The following FGF12 variants were observed in gnomAD, a reference collection of about 807,000 sequenced individuals.
FGF12 encodes the protein fibroblast growth factor 12.
A neutral mutation model predicts 23.6 loss-of-function variants in FGF12; 14 were observed. The ratio of observed to expected loss-of-function variants is 0.59; its 90% confidence interval spans 0.39 to 0.93. The LOEUF (loss-of-function observed/expected upper bound fraction) is 0.93, where lower values mean the gene tolerates loss of function less well. Ranked by LOEUF, FGF12 falls within the 40% of genes least tolerant of loss-of-function variation. FGF12 has a pLI of 0.00. For missense variants in FGF12, 175 were observed against 217.8 expected (o/e 0.80, Z 1.24); for synonymous variants, 62 against 77.3 (o/e 0.80, Z 1.04).
intron 2 of FGF12, among the ~76,000 whole-genome samples, chr3:192,568,937 C>T (rs895266117): frequency 2.6e-5 from 4 of 152,098 alleles, no homozygotes; most frequent in African/African-American, 9.7e-5. Flanking sequence ...TAAGGGTGTC[C>T]TTCATAAAAG....
At chr3:192,196,778 GAC>G (rs1269508155) in intron 4 of FGF12, among the ~76,000 whole-genome samples, 1 of 152,210 alleles carries the variant, frequency 6.6e-6, no homozygotes, top group African/African-American at 2.4e-5. Flanking sequence ...GTGACAATTT[GAC>G]AGTCTTGAGC....
chr3:192,495,570 C>A (rs920986862), intron 2 of FGF12, among the ~76,000 whole-genome samples: 1 of 152,124 alleles, frequency 6.6e-6, no homozygotes, highest in Non-Finnish European at 1.5e-5. Flanking sequence ...AGAATTAGCA[C>A]ACTCATTTTC....
intron 2 of FGF12, among the ~76,000 whole-genome samples, chr3:192,423,205 CT>C (rs751933744): frequency 1.3e-5 from 2 of 152,098 alleles, no homozygotes; most frequent in Non-Finnish European, 2.9e-5. Context: ...AGAGAGCCCC[CT>C]GTTGCATAAT....
intron 4 of FGF12, among the ~76,000 whole-genome samples, chr3:192,266,226 A>G: frequency 6.6e-6 from 1 of 152,128 alleles, no homozygotes; most frequent in East Asian, 1.9e-4. Context: ...TATGATCCTC[A>G]ATCTACCTTG....
At chr3:192,148,151 A>G (rs1384444157) in intron 5 of FGF12, among the ~76,000 whole-genome samples, 1 of 152,196 alleles carries the variant, frequency 6.6e-6, no homozygotes, top group Non-Finnish European at 1.5e-5. Flanking sequence ...CCCAGCATCT[A>G]TCTGTACATC....
At chr3:192,616,267 T>C (rs920311663) in intron 2 of FGF12, among the ~76,000 whole-genome samples, 1 of 152,112 alleles carries the variant, frequency 6.6e-6, no homozygotes, top group Non-Finnish European at 1.5e-5. Context: ...CTTATTTTTA[T>C]TTGTTTAACT....
chr3:192,196,318 C>T (rs534772410), intron 4 of FGF12, among the ~76,000 whole-genome samples: 1 of 152,058 alleles, frequency 6.6e-6, no homozygotes, highest in Non-Finnish European at 1.5e-5. Flanking sequence ...CAAATATTAC[C>T]TTAAAAATTG....
intron 2 of FGF12, among the ~76,000 whole-genome samples, chr3:192,618,282 G>A (rs1277152977): frequency 1.3e-5 from 2 of 151,532 alleles, no homozygotes; most frequent in Admixed American, 1.3e-4. Flanking sequence ...AGTCCGCTAA[G>A]TTAACCAGAG....
At chr3:192,634,002 G>A (rs1046568758) in intron 2 of FGF12, among the ~76,000 whole-genome samples, 5 of 152,116 alleles carry the variant, frequency 3.3e-5, no homozygotes, top group Admixed American at 2.6e-4. Flanking sequence ...ATCCATTTAG[G>A]TCTAAATTCA....
intron 2 of FGF12, among the ~76,000 whole-genome samples, chr3:192,623,535 A>C (rs556741283): frequency 9.9e-5 from 15 of 152,116 alleles, no homozygotes; most frequent in Non-Finnish European, 1.3e-4. Context: ...CCTGGTGTTT[A>C]CTTTGTTTGT....
intron 4 of FGF12, among the ~76,000 whole-genome samples, chr3:192,207,067 G>A (rs1717689773): frequency 6.6e-6 from 1 of 152,176 alleles, no homozygotes; most frequent in Admixed American, 6.5e-5. Context: ...TTTGGCATCA[G>A]AAAATGGGAT....
At chr3:192,628,478 C>T (rs7430302) in intron 2 of FGF12, among the ~76,000 whole-genome samples, 52 of 113,466 alleles carry the variant, frequency 4.6e-4, no homozygotes, top group Non-Finnish European at 7.9e-4. Flanking sequence ...CACACACACA[C>T]ACACACACAG....
chr3:192,353,976 T>G (rs6787785), intron 3 of FGF12, among the ~76,000 whole-genome samples: 8,041 of 152,276 alleles, frequency 0.053, 757 homozygotes, highest in African/African-American at 0.18. Flanking sequence ...AGCTAACCAT[T>G]TGGATCATAC....
chr3:192,575,236 G>A (rs1183812744), intron 2 of FGF12, among the ~76,000 whole-genome samples: 1 of 152,098 alleles, frequency 6.6e-6, no homozygotes, highest in African/African-American at 2.4e-5. Flanking sequence ...GAAACTCTGG[G>A]GATGCAATTG....
chr3:192,557,022 A>C (rs1346658858), intron 2 of FGF12, among the ~76,000 whole-genome samples: 2 of 152,048 alleles, frequency 1.3e-5, no homozygotes, highest in East Asian at 3.9e-4. Flanking sequence ...AAATGAAAAC[A>C]CAACATACCA....
chr3:192,596,077 G>A (rs1404843873), intron 2 of FGF12, among the ~76,000 whole-genome samples: 2 of 91,646 alleles, frequency 2.2e-5, no homozygotes, highest in Non-Finnish European at 4.8e-5. Context: ...TGGTGACACA[G>A]CCAGACCCTG....
rs1720026466 is a variant in FGF12 at position 192,386,016 on chromosome 3, TAAC to T, written c.14-25481_14-25479del. On this transcript the variant is annotated intron_variant, in intron 2 of 5. Transcript: ENST00000445105. The stretch of plus-strand genomic sequence containing the variant: ...TCATTAAACTATTTTAACATGAAGG[TAAC>T]TGGGGCTCAGAAAGGTTAAGCAACT... 2.6e-5 allele frequency among the ~76,000 whole-genome samples: 4 copies of T among 152,212 alleles called. No homozygotes were observed. The South Asian group carries it at 8.3e-4, about 32-fold the overall frequency.
intron 2 of FGF12, among the ~76,000 whole-genome samples, chr3:192,441,795 A>G (rs369180746): frequency 1.3e-5 from 2 of 152,300 alleles, no homozygotes; most frequent in East Asian, 3.9e-4. Context: ...AAAGGTACCA[A>G]TTACCTCTCA....
chr3:192,686,815 A>ATTTTTTTTTTTTTTTTTTTTTT (rs57045697), intron 2 of FGF12, among the ~76,000 whole-genome samples: 1 of 61,434 alleles, frequency 1.6e-5, no homozygotes, highest in African/African-American at 8.2e-5. Flanking sequence ...TTTTTCTCTA[A>ATTTTTTTTTTTTTTTTTTTTTT]TTTTTTTTTT....
Sources: gnomAD v4.1 joint callset for allele counts (sites outside exome capture counted in the v4.1 genomes callset) on GRCh38, gnomAD v4.1.1 for gene constraint, MANE v1.5 for transcripts, NCBI Gene and HGNC (gene_info 2026-07-23, HGNC 2026-07-21) for gene names.